RNF24: variants seen among roughly 807,000 people sequenced by gnomAD.
RNF24 encodes ring finger protein 24.
RNF24 carries 14 observed loss-of-function variants against 20.0 expected under a neutral mutation model. That is an observed-to-expected ratio of 0.70 (90% CI 0.46 to 1.10). The LOEUF is 1.10. RNF24 is among the 50% of genes least tolerant of loss of function. RNF24 has a pLI of 0.00. For missense variants in RNF24, 124 were observed against 177.6 expected (o/e 0.70, Z 1.71); for synonymous variants, 45 against 61.1 (o/e 0.74, Z 1.23).
At chr20:3,974,350 A>C in intron 1 of RNF24, 1 of 1,550,822 alleles carries the variant, frequency 6.4e-7, no homozygotes, top group Non-Finnish European at 8.7e-7. Flanking sequence ...GACCGGGAAC[A>C]AGGCAGGATA....
intron 1 of RNF24, among the ~76,000 whole-genome samples, chr20:4,001,377 T>C (rs1408987595): frequency 1.3e-5 from 2 of 152,104 alleles, no homozygotes; most frequent in South Asian, 2.1e-4. Flanking sequence ...TAAAATGATA[T>C]CAGATCTAAT....
chr20:3,941,604 A>G (rs2090956133), intron 4 of RNF24, among the ~76,000 whole-genome samples: 1 of 152,196 alleles, frequency 6.6e-6, no homozygotes. Flanking sequence ...AGAGAAAAGC[A>G]GAAGACAAAA....
At chr20:3,993,967 A>T (rs1980664116) in intron 1 of RNF24, among the ~76,000 whole-genome samples, 1 of 152,228 alleles carries the variant, frequency 6.6e-6, no homozygotes, top group South Asian at 2.1e-4. Flanking sequence ...ATATAATCCT[A>T]TTAACTAAAA....
At position 4,015,518 on chromosome 20, in the gene RNF24, C is replaced by G. The variant is rs957779589; in HGVS notation, c.-89G>C. 8.0e-5 allele frequency: 12 copies of G among 150,926 alleles called. No homozygotes were observed. The highest frequency in any genetic ancestry group is 1.6e-4 in the Non-Finnish European group (11 of 67,622). The allele number at this position is 150,926 out of a possible 1,614,324, so 9.3% of individuals were successfully genotyped here. On this transcript the variant is annotated 5_prime_UTR_variant, in exon 1 of 6. Transcript: ENST00000358395. Reference sequence around the variant, plus strand: ...CGGCAGGCTGCGGGCGGCGAGCGTCCGTCCGGACAGAGCGCGGCGGAGGTG... The same window carrying G: ...CGGCAGGCTGCGGGCGGCGAGCGTCGGTCCGGACAGAGCGCGGCGGAGGTG...
At chr20:3,988,889 C>T (rs565084993) in intron 1 of RNF24, among the ~76,000 whole-genome samples, 30 of 151,506 alleles carry the variant, frequency 2.0e-4, no homozygotes, top group South Asian at 8.4e-4. Flanking sequence ...TTGCAGGTGA[C>T]GGTAAAATAA....
chr20:3,984,964 T>C (rs780346968), intron 1 of RNF24, among the ~76,000 whole-genome samples: 1 of 152,202 alleles, frequency 6.6e-6, no homozygotes, highest in Non-Finnish European at 1.5e-5. Flanking sequence ...CTACAGTAAC[T>C]TCTTTAATGT....
intron 1 of RNF24, among the ~76,000 whole-genome samples, chr20:4,010,555 T>C (rs533447777): frequency 6.6e-6 from 1 of 152,312 alleles, no homozygotes; most frequent in South Asian, 2.1e-4. Flanking sequence ...TAGTTTCTTT[T>C]TGGTCATTTC....
At chr20:4,000,839 CTAAA>C (rs1289157107) in intron 1 of RNF24, among the ~76,000 whole-genome samples, 1 of 152,302 alleles carries the variant, frequency 6.6e-6, no homozygotes, top group East Asian at 1.9e-4. Context: ...CATTTTGAGG[CTAAA>C]TAGTGATTCA....
intron 1 of RNF24, among the ~76,000 whole-genome samples, chr20:3,990,196 A>T (rs1980311689): frequency 6.6e-6 from 1 of 152,208 alleles, no homozygotes; most frequent in Non-Finnish European, 1.5e-5. Flanking sequence ...AAAGAATTTT[A>T]AAAATAATCT....
At chr20:3,988,049 G>T (rs1370359920) in intron 1 of RNF24, among the ~76,000 whole-genome samples, 2 of 152,076 alleles carry the variant, frequency 1.3e-5, no homozygotes, top group African/African-American at 2.4e-5. Flanking sequence ...CAGGCTGGGC[G>T]TGGTCGCTCA....
chr20:3,947,537 C>T (rs930013482), intron 3 of RNF24, among the ~76,000 whole-genome samples: 17 of 152,294 alleles, frequency 1.1e-4, no homozygotes, highest in African/African-American at 4.1e-4. Flanking sequence ...GATGAGATCA[C>T]TGTAACACAG....
chr20:3,999,073 C>G (rs1981165192), intron 1 of RNF24, among the ~76,000 whole-genome samples: 1 of 152,142 alleles, frequency 6.6e-6, no homozygotes, highest in Admixed American at 6.5e-5. Flanking sequence ...GAGCAAGACT[C>G]TGTCTCAAAA....
At chr20:3,949,225 C>A (rs1388145322) in intron 2 of RNF24, among the ~76,000 whole-genome samples, 2 of 152,090 alleles carry the variant, frequency 1.3e-5, no homozygotes, top group African/African-American at 4.8e-5. Context: ...ACTAAAAATA[C>A]AAAAATTAGC....
chr20:3,978,092 T>C (rs1205836558), intron 1 of RNF24, among the ~76,000 whole-genome samples: 3 of 150,688 alleles, frequency 2.0e-5, no homozygotes, highest in Admixed American at 1.3e-4. Context: ...TTTTTTGAGA[T>C]GGAGTCTCAC....
chr20:3,934,983 C>T lies in RNF24; in HGVS notation c.308+11G>A, dbSNP rs2090872588. The T allele has an allele frequency of 1.9e-6, 3 of 1,610,734 alleles. No homozygotes were observed. Among genetic ancestry groups the T allele is most frequent in the African/African-American group, 1.3e-5 (1 of 74,852 alleles). On this transcript the variant is annotated intron_variant, in intron 5 of 5. Transcript: ENST00000358395. This position sits in a 1 kb window ranked among gnomAD's most constrained non-coding sequence, Gnocchi z 4.0. ...TCGGGTCCCATTAAGTAATTCCATA[C>T]CAATACTTACTTTCTGTGGAAGGCG...
chr20:3,965,347 T>C (rs2091246942), intron 1 of RNF24, among the ~76,000 whole-genome samples: 1 of 152,214 alleles, frequency 6.6e-6, no homozygotes, highest in South Asian at 2.1e-4. Flanking sequence ...TTGACACCAC[T>C]GAGATGCTAA....
At chr20:3,985,778 C>T (rs1304065735) in intron 1 of RNF24, among the ~76,000 whole-genome samples, 1 of 149,570 alleles carries the variant, frequency 6.7e-6, no homozygotes, top group African/African-American at 2.5e-5. Context: ...GATCTTGGCT[C>T]ACCCCAACCT....
At chr20:3,966,005 A>G (rs1000760467) in intron 1 of RNF24, among the ~76,000 whole-genome samples, 1 of 151,938 alleles carries the variant, frequency 6.6e-6, no homozygotes, top group African/African-American at 2.4e-5. Context: ...GTGGTGGCAC[A>G]CACTTGTAAT....
chr20:3,993,075 T>C (rs764533877), intron 1 of RNF24, among the ~76,000 whole-genome samples: 2 of 152,236 alleles, frequency 1.3e-5, no homozygotes, highest in African/African-American at 2.4e-5. Context: ...ACCTTTTTTT[T>C]CCAAGTGATT....
Sources: allele counts gnomAD v4.1 joint callset (sites outside exome capture counted in the v4.1 genomes callset), GRCh38; gene constraint gnomAD v4.1.1; non-coding constraint Gnocchi (gnomAD v3.1); transcripts MANE v1.5; gene names NCBI Gene and HGNC (gene_info 2026-07-23, HGNC 2026-07-21).